Variants in PLD1 observed in about 807,000 individuals in gnomAD.
PLD1 encodes choline phosphatase 1.
Under a neutral mutation model 137.1 loss-of-function variants are expected in PLD1, and 112 were observed. The ratio of observed to expected loss-of-function variants is 0.82; its 90% CI spans 0.70 to 0.96. The LOEUF (loss-of-function observed/expected upper bound fraction) is 0.96, where lower values mean the gene tolerates loss of function less well. PLD1 is among the 40% of genes least tolerant of loss of function. The pLI, the probability that PLD1 is intolerant of heterozygous loss-of-function variation, is 0.00. For synonymous variants in PLD1, 431 were observed against 454.7 expected (o/e 0.95, Z 0.66); for missense variants, 1,321 against 1,342.0 (o/e 0.98, Z 0.24).
At chr3:171,799,553 A>G (rs901413044) in intron 1 of PLD1, among the ~76,000 whole-genome samples, 1 of 152,142 alleles carries the variant, frequency 6.6e-6, no homozygotes, top group African/African-American at 2.4e-5. Context: ...AAATCCTTTT[A>G]GGACATTTCC....
Position 171,625,510 on chromosome 3 carries a change from C to T in PLD1, c.2594-4990G>A, listed in dbSNP as rs555333683. 6.6e-5 allele frequency among the ~76,000 whole-genome samples: 10 copies of T among 152,308 alleles called. No homozygotes were observed. In the East Asian group the frequency reaches 1.7e-3, roughly 26 times the overall value. On this transcript the variant is annotated intron_variant, in intron 23 of 26. Coordinates refer to ENST00000351298, the MANE Select transcript of PLD1 (RefSeq NM_002662.5). The stretch of plus-strand genomic sequence containing the variant: ...AGCTTTGAAGAGAGCAGTGGTTCTC[C>T]CAGCACGCAGCTGGAGATCTGAGAA...
At chr3:171,776,189 C>G (rs527916208) in intron 1 of PLD1, among the ~76,000 whole-genome samples, 19 of 152,290 alleles carry the variant, frequency 1.2e-4, no homozygotes, top group African/African-American at 4.6e-4. Context: ...TCCTGGGCCT[C>G]AGCACTGCGC....
intron 12 of PLD1, among the ~76,000 whole-genome samples, chr3:171,693,308 T>A (rs1421049512): frequency 1.3e-5 from 2 of 152,228 alleles, no homozygotes; most frequent in South Asian, 2.1e-4. Context: ...ACATTACCCA[T>A]CTCATCTGAA....
At chr3:171,610,529 G>A (rs1053166335) in intron 25 of PLD1, among the ~76,000 whole-genome samples, 1 of 152,096 alleles carries the variant, frequency 6.6e-6, no homozygotes, top group Non-Finnish European at 1.5e-5. Flanking sequence ...ACATAAAAAT[G>A]TGCTGTAATC....
At chr3:171,633,835 T>TA (rs1209424456) in intron 23 of PLD1, among the ~76,000 whole-genome samples, 2 of 152,156 alleles carry the variant, frequency 1.3e-5, no homozygotes, top group African/African-American at 4.8e-5. Flanking sequence ...ACAAAAATTA[T>TA]AAAAACAACA....
At chr3:171,751,277 G>A (rs1418970911) in intron 1 of PLD1, among the ~76,000 whole-genome samples, 1 of 152,076 alleles carries the variant, frequency 6.6e-6, no homozygotes, top group African/African-American at 2.4e-5. Context: ...AGACCTTAGA[G>A]TCAGAAAGGA....
At chr3:171,639,568 T>TATAATATATATTC (rs1735490733) in intron 23 of PLD1, among the ~76,000 whole-genome samples, 5 of 69,176 alleles carry the variant, frequency 7.2e-5, no homozygotes, top group African/African-American at 1.4e-4. Context: ...ATATATATTA[T>TATAATATATATTC]ATATAATATA....
chr3:171,687,242 T>C (rs140645943), intron 15 of PLD1, 129 bp downstream of exon 15: 6 of 717,200 alleles, frequency 8.4e-6, no homozygotes, highest in Admixed American at 2.5e-5. Context: ...TAGAATGATA[T>C]AGCGACCTCT....
chr3:171,689,516 T>C (rs747809371), intron 13 of PLD1, among the ~76,000 whole-genome samples: 1 of 152,092 alleles, frequency 6.6e-6, no homozygotes, highest in Non-Finnish European at 1.5e-5. Context: ...CCTTCCTTTC[T>C]TTCTTTCTCA....
intron 8 of PLD1, among the ~76,000 whole-genome samples, chr3:171,719,709 G>C (rs1311780762): frequency 2.6e-5 from 4 of 152,134 alleles, no homozygotes; most frequent in African/African-American, 9.7e-5. Context: ...GACATTATTT[G>C]ACATAAGAAA....
chr3:171,739,438 A>G (rs1719614033), intron 1 of PLD1, among the ~76,000 whole-genome samples: 1 of 152,222 alleles, frequency 6.6e-6, no homozygotes, highest in African/African-American at 2.4e-5. Flanking sequence ...CCCTGGAACT[A>G]TGTAATCAAT....
intron 1 of PLD1, among the ~76,000 whole-genome samples, chr3:171,751,151 A>G (rs965409973): frequency 6.6e-6 from 1 of 152,236 alleles, no homozygotes; most frequent in Admixed American, 6.5e-5. Flanking sequence ...CAAAGCTCCA[A>G]TAAGAATAGT....
intron 23 of PLD1, among the ~76,000 whole-genome samples, chr3:171,640,164 TC>T (rs953711607): frequency 1.8e-4 from 28 of 151,908 alleles, no homozygotes; most frequent in Admixed American, 6.6e-5. Flanking sequence ...CTCATTTATT[TC>T]CCCTCCAATC....
intron 1 of PLD1, among the ~76,000 whole-genome samples, chr3:171,747,112 G>A (rs1720278129): frequency 6.6e-6 from 1 of 152,012 alleles, no homozygotes; most frequent in Admixed American, 6.6e-5. Flanking sequence ...TGAGGCCAGC[G>A]AGACCACGAA....
chr3:171,662,309 AGAG>A (rs927886511), intron 19 of PLD1, 139 bp from the exon 20 acceptor site: 2 of 575,854 alleles, frequency 3.5e-6, no homozygotes, highest in Non-Finnish European at 6.3e-6. Flanking sequence ...GAACCAAAGG[AGAG>A]TAGTGGGGTG....
At chr3:171,712,198 G>GGA (rs1219459702) in intron 9 of PLD1, among the ~76,000 whole-genome samples, 2 of 152,296 alleles carry the variant, frequency 1.3e-5, no homozygotes, top group East Asian at 3.9e-4. Flanking sequence ...ATGAAGACAG[G>GGA]GAGAGGCTGC....
chr3:171,625,394 C>A (rs1734011425), intron 23 of PLD1, among the ~76,000 whole-genome samples: 1 of 152,250 alleles, frequency 6.6e-6, no homozygotes, highest in South Asian at 2.1e-4. Flanking sequence ...AGGAGGCCTG[C>A]CTGCCTCTGT....
At chr3:171,809,344 A>G (rs189952732) in intron 1 of PLD1, 3 of 152,352 alleles carry the variant, frequency 2.0e-5, no homozygotes, top group African/African-American at 7.2e-5. Context: ...GGGGTCTGTT[A>G]ACAGTTCAAA....
intron 19 of PLD1, among the ~76,000 whole-genome samples, chr3:171,669,144 G>A (rs574354283): frequency 8.5e-5 from 13 of 152,296 alleles, no homozygotes; most frequent in African/African-American, 1.2e-4. Flanking sequence ...ACTGCCTGCC[G>A]TAGCTCCCCT....
Sources: allele counts gnomAD v4.1 joint callset (sites outside exome capture counted in the v4.1 genomes callset), GRCh38; gene constraint gnomAD v4.1.1; transcripts MANE v1.5; gene names NCBI Gene and HGNC (gene_info 2026-07-23, HGNC 2026-07-21).